Variants in ARAP1 observed in about 807,000 individuals in gnomAD.
The protein encoded by ARAP1 is ArfGAP with RhoGAP domain, ankyrin repeat and PH domain 1, also known as arf-GAP with Rho-GAP domain, ANK repeat and PH domain-containing protein 1.
Under a neutral mutation model 172.2 loss-of-function variants are expected in ARAP1, and 76 were observed. The observed-to-expected ratio is 0.44, with a 90% CI of 0.37 to 0.53. The LOEUF (loss-of-function observed/expected upper bound fraction) is 0.53. ARAP1 is among the 20% of genes least tolerant of loss of function. ARAP1 has a pLI of 0.00. For synonymous variants in ARAP1, 804 were observed against 803.3 expected (o/e 1.00, Z -0.01); for missense variants, 1,686 against 1,977.5 (o/e 0.85, Z 2.80).
chr11:72,704,583 A>G, intron 13 of ARAP1: 1 of 480,772 alleles, frequency 2.1e-6, no homozygotes, highest in Non-Finnish European at 3.7e-6. Context: ...TGACAGGTGG[A>G]TGCCTCAGGC....
intron 14 of ARAP1, chr11:72,703,942 G>T: frequency 1.7e-6 from 1 of 587,490 alleles, no homozygotes; most frequent in Non-Finnish European, 2.9e-6. Flanking sequence ...ATGTGCCCTT[G>T]GCCCAAGGGT....
At chr11:72,713,391 A>G in intron 4 of ARAP1, 148 bp from the exon 5 acceptor site, 2 of 692,098 alleles carry the variant, frequency 2.9e-6, no homozygotes, top group Non-Finnish European at 4.9e-6. Context: ...AGGGGACAGG[A>G]AGTGCGATTT....
Position 72,709,868 on chromosome 11 carries a change from AC to A in ARAP1, c.1523+1del, listed in dbSNP as rs1322698555. The A allele has an allele frequency of 6.2e-7, 1 of 1,614,058 alleles. No homozygotes were observed. On this transcript the variant is annotated splice_donor_variant, in intron 11 of 34. Coordinates refer to ENST00000393609, the MANE Select transcript of ARAP1 (RefSeq NM_001040118.3). LOFTEE classifies it high-confidence loss of function. Reference sequence around the variant, plus strand: ...CGGTGAGCCAAGAAGATGGAGGGTCACCTGAAGATGCGGTAGGGCGTGGTGA... The same window carrying A: ...CGGTGAGCCAAGAAGATGGAGGGTCACTGAAGATGCGGTAGGGCGTGGTGA...
chr11:72,747,815 C>T lies in ARAP1; in HGVS notation c.-128+4513G>A, dbSNP rs529226009. On this transcript the variant is annotated intron_variant, in intron 1 of 34. Coordinates refer to ENST00000393609, the MANE Select transcript of ARAP1 (RefSeq NM_001040118.3). ...ATTTGACGGCAATTAGTCCCGTCTG[C>T]AAGCAGGATACCCCTGTACCCTTGA... 5.3e-5 allele frequency among the ~76,000 whole-genome samples: 8 copies of T among 152,344 alleles called. No individual in the cohort carries two copies. In the South Asian group the frequency reaches 1.7e-3, roughly 32 times the overall value.
chr11:72,712,353 A>T lies in ARAP1; in HGVS notation c.879-14T>A, dbSNP rs1591207825. On this transcript the variant is annotated splice_polypyrimidine_tract_variant and intron_variant, in intron 6 of 34. Coordinates refer to ENST00000393609, the MANE Select transcript of ARAP1 (RefSeq NM_001040118.3). ...TGCCATCCGCCACTAGCGAGAGATG[A>T]GGGGATGGGGGGCCGGGCTGAGGAG... The T allele has an allele frequency of 1.0e-5, 15 of 1,495,014 alleles. No individual in the cohort carries two copies. In the East Asian group the frequency reaches 3.6e-4, roughly 36 times the overall value. 92.6% of individuals were successfully genotyped at this position (1,495,014 alleles called of 1,614,324 possible). A position where few individuals can be genotyped will look rare whatever the true frequency, so the allele number is the denominator to read the frequency against.
In ARAP1 at chr11:72,688,435, T is replaced by C; in HGVS notation, c.4070+20A>G. On this transcript the variant is annotated intron_variant, in intron 31 of 34. Transcript: ENST00000393609. The stretch of plus-strand genomic sequence containing the variant: ...CCCATAAGCCCCAGTAGCAGGCCTA[T>C]CTGCCCAGTCCCAGCTTACCAGGTG... The C allele has an allele frequency of 6.2e-7, 1 of 1,607,314 alleles. No homozygotes were observed. Among genetic ancestry groups the C allele is most frequent in the Non-Finnish European group, 8.5e-7 (1 of 1,176,248 alleles).
intron 1 of ARAP1, among the ~76,000 whole-genome samples, chr11:72,734,633 G>A (rs956243912): frequency 6.6e-6 from 1 of 152,144 alleles, no homozygotes; most frequent in Non-Finnish European, 1.5e-5. Context: ...TGCTATCCCT[G>A]TTTTAAGGTG....
At position 72,691,573 on chromosome 11, in the gene ARAP1, AT is replaced by A. The variant is rs150171227; in HGVS notation, c.3987+1179del. On this transcript the variant is annotated intron_variant, in intron 30 of 34. Transcript: ENST00000393609. ...CAGGGTTAGCAGGAGCCCAGGATGC[AT>A]TAGAGGAGGCACAAAATGCAAAGAG... Among the ~76,000 whole-genome samples, 644 of 152,338 alleles carry A rather than the reference AT, an allele frequency of 4.2e-3. 3 individuals are homozygous for A. The highest frequency in any genetic ancestry group is 0.015 in the African/African-American group (614 of 41,572).
At chr11:72,686,281 C>T (rs970235976) in intron 33 of ARAP1, 90 bp from the exon 34 acceptor site, 7 of 1,483,748 alleles carry the variant, frequency 4.7e-6, no homozygotes, top group Non-Finnish European at 6.3e-6. Flanking sequence ...GAAATGCCTC[C>T]AGCTGTGGTC....
At position 72,695,643 on chromosome 11, in the gene ARAP1, G is replaced by A. The variant is rs1452307598; in HGVS notation, c.3421-15C>T. 4.3e-5 allele frequency: 70 copies of A among 1,614,070 alleles called. No individual in the cohort carries two copies. The highest frequency in any genetic ancestry group is 5.6e-5 in the Non-Finnish European group (66 of 1,179,996). On this transcript the variant is annotated splice_polypyrimidine_tract_variant and intron_variant, in intron 24 of 34. Coordinates refer to ENST00000393609, the MANE Select transcript of ARAP1 (RefSeq NM_001040118.3). This position sits in a 1 kb window ranked among gnomAD's most constrained non-coding sequence, Gnocchi z 4.4. Reference sequence around the variant, plus strand: ...TCCTCATCCACCTGGGAAGGGGCGAGAGGCAGGGACAGGTGGTCACCGTCA... The same window carrying A: ...TCCTCATCCACCTGGGAAGGGGCGAAAGGCAGGGACAGGTGGTCACCGTCA...
chr11:72,696,428 T>A, intron 23 of ARAP1, 121 bp downstream of exon 23: 2 of 699,104 alleles, frequency 2.9e-6, no homozygotes, highest in Admixed American at 3.5e-5. Flanking sequence ...TTAGGGCAGA[T>A]CACAGTCAGC....
chr11:72,686,283 G>T, intron 33 of ARAP1, 92 bp from the exon 34 acceptor site: 2 of 1,478,720 alleles, frequency 1.4e-6, no homozygotes, highest in African/African-American at 1.4e-5. Context: ...AATGCCTCCA[G>T]CTGTGGTCTG....
intron 1 of ARAP1, among the ~76,000 whole-genome samples, chr11:72,750,854 G>A (rs1858511536): frequency 6.6e-6 from 1 of 152,176 alleles, no homozygotes; most frequent in African/African-American, 2.4e-5. Context: ...ACTGAAGGCT[G>A]GGCAGGAAGG....
intron 4 of ARAP1, 152 bp from the exon 5 acceptor site, chr11:72,713,395 G>A (rs965315109): frequency 7.4e-6 from 5 of 672,814 alleles, no homozygotes; most frequent in Non-Finnish European, 1.3e-5. Flanking sequence ...GACAGGAAGT[G>A]CGATTTATAC....
chr11:72,747,707 A>G (rs1206009946), intron 1 of ARAP1, among the ~76,000 whole-genome samples: 1 of 152,246 alleles, frequency 6.6e-6, no homozygotes, highest in African/African-American at 2.4e-5. Flanking sequence ...CTGTATGAAC[A>G]AGAGCCAAGG....
chr11:72,700,942 G>A (rs748605426), intron 16 of ARAP1, among the ~76,000 whole-genome samples: 58 of 152,214 alleles, frequency 3.8e-4, no homozygotes, highest in Non-Finnish European at 3.7e-4. Flanking sequence ...AGGTTGCGGT[G>A]AGCCAAGATC....
intron 11 of ARAP1, among the ~76,000 whole-genome samples, chr11:72,709,182 A>G (rs1306094286): frequency 6.6e-6 from 1 of 152,190 alleles, no homozygotes; most frequent in African/African-American, 2.4e-5. Context: ...CAGCAGAAAG[A>G]TCCCGCTGGA....
rs201317587 is a variant in ARAP1, at chr11:72,697,948, G to T, written c.2700C>A (p.Cys900Ter). The change falls in exon 19 of 35, where the codon TGC becomes TGA. Residue 900 changes from cysteine (C) to a stop codon, truncating the protein, a stop_gained. Transcript: ENST00000393609. LOFTEE classifies it high-confidence loss of function. ...GTTTCCGTAGTTGCAGCGGCTCTTC[G>T]CAGGGCCCCTCCGGGAAGACAGCAC... ...ELRAVFPEGP[C>*]EEPLQLRKLQ... 1 of 1,610,292 alleles carries T rather than the reference G, an allele frequency of 6.2e-7. No homozygotes were observed.
intron 7 of ARAP1, 101 bp downstream of exon 7, chr11:72,712,095 T>C: frequency 7.0e-7 from 1 of 1,438,808 alleles, no homozygotes; most frequent in African/African-American, 1.4e-5. Context: ...CAGGCCCTTC[T>C]GGTTTTCAGA....
Sources: gnomAD v4.1 joint callset for allele counts (sites outside exome capture counted in the v4.1 genomes callset) on GRCh38, gnomAD v4.1.1 for gene constraint, Gnocchi (gnomAD v3.1) non-coding constraint, MANE v1.5 for transcripts, NCBI Gene and HGNC (gene_info 2026-07-23, HGNC 2026-07-21) for gene names.